CTNNA2: variants seen among roughly 807,000 people sequenced by gnomAD.
CTNNA2 encodes the protein catenin alpha-2.
In CTNNA2, 42 loss-of-function variants were observed where a neutral mutation model predicts 101.0. The ratio of observed to expected loss-of-function variants is 0.42; its 90% confidence interval spans 0.32 to 0.54. The LOEUF is 0.54. Ranked by LOEUF, CTNNA2 falls within the 20% of genes least tolerant of loss-of-function variation. CTNNA2 has a pLI of 0.14. For missense variants in CTNNA2, 871 were observed against 1,223.1 expected (o/e 0.71, Z 4.29); for synonymous variants, 450 against 456.4 (o/e 0.99, Z 0.18).
chr2:80,532,001 A>T (rs1690584243), intron 9 of CTNNA2, among the ~76,000 whole-genome samples: 1 of 152,174 alleles, frequency 6.6e-6, no homozygotes, highest in Non-Finnish European at 1.5e-5. Flanking sequence ...TGTCATGCAA[A>T]AGCAGTCATA....
intron 8 of CTNNA2, 66 bp downstream of exon 8, chr2:80,393,357 C>T (rs1677701997): frequency 4.4e-6 from 5 of 1,149,166 alleles, no homozygotes; most frequent in Non-Finnish European, 6.3e-6. Flanking sequence ...ATATCCTTTT[C>T]CAGGGTGTCT....
chr2:79,463,084 AG>A (rs1170108310), intron 4 of CTNNA2, among the ~76,000 whole-genome samples: 2 of 152,308 alleles, frequency 1.3e-5, no homozygotes, highest in East Asian at 3.9e-4. Flanking sequence ...GTTTGAGGAC[AG>A]GAGGAAAACT....
chr2:80,077,653 A>G (rs1314246375), intron 7 of CTNNA2, among the ~76,000 whole-genome samples: 1 of 151,990 alleles, frequency 6.6e-6, no homozygotes, highest in Non-Finnish European at 1.5e-5. Context: ...AATTAAACAG[A>G]TGAAGCTCAA....
intron 7 of CTNNA2, among the ~76,000 whole-genome samples, chr2:80,327,802 C>A (rs1283287286): frequency 1.3e-5 from 2 of 152,094 alleles, no homozygotes; most frequent in Non-Finnish European, 2.9e-5. Flanking sequence ...CTATCTGCAC[C>A]CCTGCTTTGA....
chr2:79,229,951 G>A (rs977746224), intron 2 of CTNNA2, among the ~76,000 whole-genome samples: 1 of 152,182 alleles, frequency 6.6e-6, no homozygotes, highest in Admixed American at 6.5e-5. Context: ...ATAATTTAGG[G>A]TATTTGGCAG....
chr2:79,718,295 G>C (rs1686241612), intron 2 of CTNNA2, among the ~76,000 whole-genome samples: 1 of 152,084 alleles, frequency 6.6e-6, no homozygotes, highest in African/African-American at 2.4e-5. Context: ...AACTAACAGA[G>C]ATTGGAATGA....
chr2:79,731,829 T>A (rs1687214171), intron 2 of CTNNA2, among the ~76,000 whole-genome samples: 1 of 26,786 alleles, frequency 3.7e-5, no homozygotes, highest in African/African-American at 2.0e-4. Flanking sequence ...ATTCTACAAC[T>A]TTATTTTTGT....
chr2:80,313,775 G>C, intron 7 of CTNNA2: 1 of 717,314 alleles, frequency 1.4e-6, no homozygotes, highest in Non-Finnish European at 2.3e-6. Context: ...TGACTCCCTT[G>C]AACATGAATG....
chr2:80,316,553 A>G (rs781669692), intron 7 of CTNNA2, among the ~76,000 whole-genome samples: 1 of 152,204 alleles, frequency 6.6e-6, no homozygotes, highest in Non-Finnish European at 1.5e-5. Context: ...AGCATCTGGC[A>G]TGTGCCGGCT....
intron 1 of CTNNA2, among the ~76,000 whole-genome samples, chr2:79,191,273 A>G (rs1673866479): frequency 6.6e-6 from 1 of 152,212 alleles, no homozygotes; most frequent in Admixed American, 6.5e-5. Flanking sequence ...CAATGATGTC[A>G]GCTAAGTTCC....
chr2:80,528,616 A>T (rs1236684456), intron 9 of CTNNA2, among the ~76,000 whole-genome samples: 1 of 152,070 alleles, frequency 6.6e-6, no homozygotes, highest in Non-Finnish European at 1.5e-5. Context: ...GCCCAACTCC[A>T]CACTTCAGGC....
chr2:80,498,415 A>C (rs1426237587), intron 9 of CTNNA2, among the ~76,000 whole-genome samples: 2 of 152,212 alleles, frequency 1.3e-5, no homozygotes, highest in Admixed American at 6.5e-5. Flanking sequence ...CTTAAGGCCA[A>C]TTGCAATCTC....
intron 4 of CTNNA2, among the ~76,000 whole-genome samples, chr2:79,497,563 T>A (rs1346040002): frequency 6.6e-6 from 1 of 152,166 alleles, no homozygotes; most frequent in Non-Finnish European, 1.5e-5. Context: ...AGTGTCTTGT[T>A]AACTCACTCC....
chr2:79,349,109 A>G (rs1269938480), intron 3 of CTNNA2, among the ~76,000 whole-genome samples: 1 of 152,224 alleles, frequency 6.6e-6, no homozygotes, highest in East Asian at 1.9e-4. Context: ...TATCATGCAT[A>G]CTGATGGTAT....
intron 7 of CTNNA2, among the ~76,000 whole-genome samples, chr2:80,119,225 T>C (rs1467040973): frequency 6.6e-6 from 1 of 152,224 alleles, no homozygotes; most frequent in Non-Finnish European, 1.5e-5. Context: ...CAATATTTGA[T>C]AAGGAGAAGT....
intron 7 of CTNNA2, among the ~76,000 whole-genome samples, chr2:80,322,398 G>A (rs977976987): frequency 7.9e-5 from 12 of 152,184 alleles, no homozygotes; most frequent in Non-Finnish European, 1.3e-4. Context: ...TCTGCACGGA[G>A]CCACTTCCCT....
intron 1 of CTNNA2, among the ~76,000 whole-genome samples, chr2:79,631,975 T>C (rs4852501): frequency 0.2 from 30,976 of 152,092 alleles, 3,459 homozygotes; most frequent in African/African-American, 0.28. Flanking sequence ...TAAAGGCAAT[T>C]CACATATTTT....
At chr2:80,064,180 T>C (rs1487814333) in intron 7 of CTNNA2, among the ~76,000 whole-genome samples, 1 of 152,238 alleles carries the variant, frequency 6.6e-6, no homozygotes, top group Non-Finnish European at 1.5e-5. Flanking sequence ...ACATGCTCAC[T>C]GAAGCCTTCA....
rs561143509 is a variant in CTNNA2, at chr2:79,414,777, C to T, written c.-135+40764C>T. Reference sequence around the variant, plus strand: ...GTGAGAGATCACACAGAAAGGGAGGCCCAGCTGTTAGACAGCATTAACCAC... The same window carrying T: ...GTGAGAGATCACACAGAAAGGGAGGTCCAGCTGTTAGACAGCATTAACCAC... On this transcript the variant is annotated intron_variant, in intron 4 of 21. Coordinates refer to the CTNNA2 transcript ENST00000466387. Among the ~76,000 whole-genome samples, 7 of 152,110 alleles carry T rather than the reference C, an allele frequency of 4.6e-5. 1 individual carries two copies. The South Asian group carries it at 1.5e-3, about 32-fold the overall frequency.
Sources: gnomAD v4.1 joint callset for allele counts (sites outside exome capture counted in the v4.1 genomes callset) on GRCh38, gnomAD v4.1.1 for gene constraint, MANE v1.5 for transcripts, NCBI Gene and HGNC (gene_info 2026-07-23, HGNC 2026-07-21) for gene names.